DMD: variants seen among roughly 807,000 people sequenced by gnomAD.
DMD encodes mutant dystrophin.
A neutral mutation model predicts 330.1 loss-of-function variants in DMD; 63 were observed. The observed-to-expected ratio is 0.19, with a 90% confidence interval of 0.16 to 0.24. The LOEUF (loss-of-function observed/expected upper bound fraction) is 0.24. Among genes scored for constraint, DMD ranks in the 10% least tolerant of loss-of-function variants. DMD has a pLI of 1.00. For synonymous variants in DMD, 1,223 were observed against 959.8 expected (o/e 1.27, Z -5.07); for missense variants, 3,344 against 2,684.1 (o/e 1.25, Z -5.43).
intron 2 of DMD, among the ~76,000 whole-genome samples, chrX:32,939,699 A>T: frequency 8.9e-6 from 1 of 111,799 alleles, no homozygotes; most frequent in Non-Finnish European, 1.9e-5. Flanking sequence ...CACTGACTTC[A>T]GTAAAGTTTC....
chrX:32,134,987 G>T (rs1227140548), intron 44 of DMD, among the ~76,000 whole-genome samples: 1 of 111,387 alleles, frequency 9.0e-6, no homozygotes, highest in African/African-American at 3.3e-5. Context: ...GGCCACATCT[G>T]GTCTAGACTT....
intron 74 of DMD, among the ~76,000 whole-genome samples, chrX:31,148,325 C>A (rs981829615): frequency 8.9e-6 from 1 of 112,201 alleles, no homozygotes; most frequent in Non-Finnish European, 1.9e-5. Flanking sequence ...ACATACCATT[C>A]TAAGAGTTGC....
chrX:31,575,371 G>A (rs2076046363), intron 55 of DMD, among the ~76,000 whole-genome samples: 1 of 111,457 alleles, frequency 9.0e-6, no homozygotes, highest in Non-Finnish European at 1.9e-5. Flanking sequence ...AGCCACAGCT[G>A]GAACTATATC....
At chrX:32,399,354 A>G (rs1177610679) in intron 30 of DMD, among the ~76,000 whole-genome samples, 1 of 111,968 alleles carries the variant, frequency 8.9e-6, no homozygotes, top group Non-Finnish European at 1.9e-5. Flanking sequence ...GGGATCAATA[A>G]CTAGAATATA....
chrX:32,643,008 G>A (rs1031561541), intron 11 of DMD, among the ~76,000 whole-genome samples: 2 of 111,368 alleles, frequency 1.8e-5, no homozygotes, highest in African/African-American at 6.5e-5. Context: ...TCTTAATATC[G>A]ATAATAGATG....
chrX:33,063,524 A>G (rs1280643924), intron 1 of DMD, among the ~76,000 whole-genome samples: 1 of 112,023 alleles, frequency 8.9e-6, no homozygotes, highest in African/African-American at 3.2e-5. Context: ...TAACACCGTC[A>G]GAGTAAGTCT....
chrX:31,261,134 T>C (rs1009204479), intron 62 of DMD, 118 bp from the exon 63 acceptor site: 4 of 646,678 alleles, frequency 6.2e-6, no homozygotes, highest in Non-Finnish European at 9.8e-6. Flanking sequence ...ATTCGGAATC[T>C]TTATTTCAAA....
intron 44 of DMD, among the ~76,000 whole-genome samples, chrX:32,145,586 CT>C (rs1173496708): frequency 7.1e-5 from 8 of 112,043 alleles, no homozygotes; most frequent in Admixed American, 2.8e-4. Flanking sequence ...ACTATATTTC[CT>C]TGATTTTTGA....
chrX:32,512,903 G>T (rs2045482999), intron 18 of DMD, among the ~76,000 whole-genome samples: 1 of 111,676 alleles, frequency 9.0e-6, no homozygotes, highest in South Asian at 3.8e-4. Flanking sequence ...ATGTTGTAAG[G>T]AAGTAGGGTA....
At chrX:32,359,582 C>G (rs1178438443) in intron 37 of DMD, among the ~76,000 whole-genome samples, 1 of 111,408 alleles carries the variant, frequency 9.0e-6, no homozygotes, top group African/African-American at 3.3e-5. Flanking sequence ...AAGGCTACCC[C>G]CTAAAACCTC....
chrX:33,176,559 AGTGTGT>A (rs67497965), intron 1 of DMD, among the ~76,000 whole-genome samples: 1,119 of 102,772 alleles, frequency 0.011, 12 homozygotes, highest in African/African-American at 0.037. Flanking sequence ...CAAGCACAGA[AGTGTGT>A]GTGTGTGTGT....
intron 27 of DMD, among the ~76,000 whole-genome samples, chrX:32,444,885 G>C (rs766902643): frequency 9.0e-6 from 1 of 110,908 alleles, no homozygotes; most frequent in Admixed American, 9.5e-5. Context: ...ATTCAGGAAG[G>C]GGTGGTTGGT....
At chrX:31,952,197 G>A (rs1025229386) in intron 45 of DMD, among the ~76,000 whole-genome samples, 6 of 111,157 alleles carry the variant, frequency 5.4e-5, no homozygotes, top group Admixed American at 2.9e-4. Context: ...TTAGGGTATT[G>A]ATCTCTTCGT....
At chrX:32,960,633 C>A (rs1385957076) in intron 2 of DMD, among the ~76,000 whole-genome samples, 2 of 111,076 alleles carry the variant, frequency 1.8e-5, no homozygotes, top group Non-Finnish European at 3.8e-5. Context: ...TCTCATTCTC[C>A]CTTTAAAACT....
chrX:31,692,379 A>C (rs760049879), intron 52 of DMD, among the ~76,000 whole-genome samples: 2 of 111,624 alleles, frequency 1.8e-5, no homozygotes, highest in Non-Finnish European at 3.8e-5. Flanking sequence ...AGAATGAATT[A>C]AGCCCAAAGT....
intron 63 of DMD, among the ~76,000 whole-genome samples, chrX:31,241,938 G>A (rs996979819): frequency 1.8e-5 from 2 of 110,805 alleles, no homozygotes; most frequent in Admixed American, 9.7e-5. Context: ...TCACCCCAGG[G>A]GCACTGAATC....
chrX:33,069,476 ACACAGAAAACATGCTTTT>A (rs1200855081), intron 1 of DMD, among the ~76,000 whole-genome samples: 1 of 103,223 alleles, frequency 9.7e-6, no homozygotes, highest in Non-Finnish European at 1.9e-5. Context: ...GAATTCATAT[ACACAGAAAACATGCTTTT>A]CTTGTTTCCT....
intron 1 of DMD, among the ~76,000 whole-genome samples, chrX:33,050,420 T>TA (rs1337202897): frequency 6.3e-5 from 7 of 111,570 alleles, no homozygotes; most frequent in East Asian, 2.8e-4. Context: ...AGATTTTTTT[T>TA]AAAAAAAGAA....
At chrX:32,314,601 G>T (rs1295742621) in intron 41 of DMD, among the ~76,000 whole-genome samples, 2 of 111,056 alleles carry the variant, frequency 1.8e-5, no homozygotes, top group African/African-American at 3.3e-5. Context: ...AGAGTCAACA[G>T]GCAACCTACA....
Sources: gnomAD v4.1 joint callset for allele counts (sites outside exome capture counted in the v4.1 genomes callset) on GRCh38, gnomAD v4.1.1 for gene constraint, MANE v1.5 for transcripts, NCBI Gene and HGNC (gene_info 2026-07-23, HGNC 2026-07-21) for gene names.